NUP205: variants seen among roughly 807,000 people sequenced by gnomAD.
The protein encoded by NUP205 is nucleoporin 205, also known as nuclear pore complex protein Nup205.
Under a neutral mutation model 253.8 loss-of-function variants are expected in NUP205, and 76 were observed. The ratio of observed to expected loss-of-function variants is 0.30; its 90% CI spans 0.25 to 0.36. The LOEUF is 0.36. Among genes scored for constraint, NUP205 ranks in the 10% least tolerant of loss-of-function variants. The pLI, the probability that NUP205 is intolerant of heterozygous loss-of-function variation, is 1.00. For synonymous variants in NUP205, 832 were observed against 850.1 expected, an observed-to-expected ratio of 0.98 and a Z score of 0.37; for missense variants, 2,162 against 2,425.5, an observed-to-expected ratio of 0.89 and a Z score of 2.28.
chr7:135,643,289 T>C lies in NUP205; in HGVS notation c.5490T>C (p.Tyr1830=). 4 of 1,614,142 alleles carry C rather than the reference T, an allele frequency of 2.5e-6. No homozygotes were observed. Among genetic ancestry groups the C allele is most frequent in the Non-Finnish European group, 3.4e-6 (4 of 1,179,994 alleles). The change falls in exon 39 of 43, where the codon TAT becomes TAC. Residue 1830 remains tyrosine (Y), a synonymous_variant. Transcript: ENST00000285968. The part of the protein sequence containing the change: ...KQSANDFFSY[Y]DSHRQSVSKL... Reference sequence around the variant, plus strand: ...GTGCTAATGATTTCTTCAGCTATTATGACAGTCATCGACAGAGTGTCAGCA... The same window carrying C: ...GTGCTAATGATTTCTTCAGCTATTACGACAGTCATCGACAGAGTGTCAGCA...
chr7:135,647,910 G>C (rs1795040665), intron 42 of NUP205, among the ~76,000 whole-genome samples: 1 of 152,138 alleles, frequency 6.6e-6, no homozygotes, highest in Admixed American at 6.5e-5. Flanking sequence ...CATATAACAG[G>C]TGTATCCCCA....
chr7:135,630,749 C>T (rs1439653134), intron 35 of NUP205, among the ~76,000 whole-genome samples: 1 of 151,986 alleles, frequency 6.6e-6, no homozygotes. Flanking sequence ...CATAGAGACA[C>T]CCTGTCTCTA....
At chr7:135,599,965 T>A (rs369599537) in intron 15 of NUP205, among the ~76,000 whole-genome samples, 6 of 152,294 alleles carry the variant, frequency 3.9e-5, no homozygotes, top group African/African-American at 1.2e-4. Context: ...TAAATAAAAT[T>A]TTTTGAAAAT....
chr7:135,605,354 C>A (rs947626838), intron 19 of NUP205, among the ~76,000 whole-genome samples: 1 of 152,140 alleles, frequency 6.6e-6, no homozygotes, highest in Non-Finnish European at 1.5e-5. Context: ...TTCATAGAGT[C>A]CCTATTTTGA....
intron 35 of NUP205, among the ~76,000 whole-genome samples, chr7:135,634,051 TATC>T (rs1794764714): frequency 1.3e-5 from 2 of 152,242 alleles, no homozygotes; most frequent in African/African-American, 4.8e-5. Context: ...CCACAAATCT[TATC>T]AGCAGATTTA....
rs749555543 is a variant in NUP205, at chr7:135,557,948, G to T, written c.4G>T (p.Ala2Ser). M[A>S]TPLAVNSAAS... is the part of the protein sequence containing the mutation. ...GCTCTGTTAGTGCGCCTCTAAGATGGCGACGCCTTTGGCGGTAAATTCGGG... is the reference window on the plus strand; with the variant it reads ...GCTCTGTTAGTGCGCCTCTAAGATGTCGACGCCTTTGGCGGTAAATTCGGG... Residue 2 changes from alanine to serine, a missense_variant, in exon 1 of 43, where the codon GCG (alanine) becomes TCG (serine). Ala to Ser is a moderately conservative substitution (Grantham distance 99). Around this residue, in one of 5 missense-constraint regions of NUP205, gnomAD observed 109 missense variants for 131.8 expected, o/e 0.83. Transcript: ENST00000285968. 6.2e-7 allele frequency: 1 copy of T among 1,613,864 alleles called. No homozygotes were observed. The highest frequency in any genetic ancestry group is 1.1e-5 in the South Asian group (1 of 91,086).
intron 8 of NUP205, among the ~76,000 whole-genome samples, chr7:135,586,630 T>G (rs1341688562): frequency 3.9e-5 from 6 of 152,222 alleles, no homozygotes; most frequent in Non-Finnish European, 1.5e-5. Context: ...ATTTTCTTTT[T>G]TGTTCAGTTT....
intron 35 of NUP205, among the ~76,000 whole-genome samples, chr7:135,633,314 G>A (rs1485762989): frequency 6.6e-6 from 1 of 152,078 alleles, no homozygotes; most frequent in Non-Finnish European, 1.5e-5. Flanking sequence ...AGGTTGGAGT[G>A]CAGTGGCATG....
intron 34 of NUP205, among the ~76,000 whole-genome samples, chr7:135,628,425 C>A (rs894103132): frequency 2.6e-5 from 4 of 152,092 alleles, no homozygotes; most frequent in African/African-American, 9.7e-5. Context: ...TGTAATTTAA[C>A]CAGGTATCTA....
chr7:135,609,570 C>A (rs1273701943), intron 22 of NUP205, among the ~76,000 whole-genome samples: 1 of 151,736 alleles, frequency 6.6e-6, no homozygotes, highest in African/African-American at 2.4e-5. Context: ...ATGGCGTGAA[C>A]TTGGGAGGCG....
intron 18 of NUP205, 90 bp downstream of exon 18, chr7:135,603,084 C>CT: frequency 2.5e-6 from 2 of 786,220 alleles, no homozygotes; most frequent in East Asian, 3.0e-5. Context: ...TAGTGCATCA[C>CT]CTTTTTTTTT....
intron 38 of NUP205, among the ~76,000 whole-genome samples, chr7:135,639,757 A>T (rs1249395709): frequency 6.6e-6 from 1 of 152,176 alleles, no homozygotes; most frequent in African/African-American, 2.4e-5. Flanking sequence ...AAACACATGC[A>T]CACATGTTTA....
chr7:135,576,851 C>A, intron 4 of NUP205, 118 bp from the exon 5 acceptor site: 2 of 939,720 alleles, frequency 2.1e-6, no homozygotes, highest in Non-Finnish European at 3.1e-6. Context: ...CACTGCACTC[C>A]AGCCTGGGTG....
intron 3 of NUP205, among the ~76,000 whole-genome samples, chr7:135,574,366 G>A (rs527597394): frequency 3.3e-5 from 5 of 152,226 alleles, no homozygotes; most frequent in African/African-American, 1.2e-4. Flanking sequence ...ATAAAATAAA[G>A]CAGTGAGATA....
chr7:135,560,608 A>G (rs752413370), intron 1 of NUP205, among the ~76,000 whole-genome samples: 1 of 152,238 alleles, frequency 6.6e-6, no homozygotes, highest in Non-Finnish European at 1.5e-5. Flanking sequence ...TATACATAAC[A>G]TAACGTATAC....
chr7:135,638,786 G>T (rs1794865328), intron 38 of NUP205, 103 bp downstream of exon 38: 1 of 1,137,584 alleles, frequency 8.8e-7, no homozygotes, highest in South Asian at 1.3e-5. Context: ...TCTTTTAAGT[G>T]TCATTAATGG....
chr7:135,570,052 TAGAGAGAGAGAGAGAG>T lies in NUP205; in HGVS notation c.29-1025_29-1010del, dbSNP rs373590569. Among the ~76,000 whole-genome samples the T allele has an allele frequency of 3.3e-4, 26 of 79,188 alleles. No homozygotes were observed. The East Asian group carries it at 5.3e-3, about 16-fold the overall frequency. The allele number at this position is 79,188 out of a possible 152,430, so 52.0% of individuals were successfully genotyped here. On this transcript the variant is annotated intron_variant, in intron 1 of 42. Transcript: ENST00000285968. ...TTTTATATATATATATATATATATA[TAGAGAGAGAGAGAGAG>T]AGAGAGAGAGAGAGAGAGAGAGAGA...
intron 34 of NUP205, 42 bp from the exon 35 acceptor site, chr7:135,630,302 T>C: frequency 6.8e-7 from 1 of 1,462,566 alleles, no homozygotes; most frequent in Non-Finnish European, 9.1e-7. Context: ...ATTTTCTACT[T>C]CTACCTGTTT....
At position 135,622,820 on chromosome 7, in the gene NUP205, A is replaced by T; in HGVS notation, c.4374A>T (p.Val1458=). Residue 1458 remains valine (V), a synonymous_variant, in exon 31 of 43, where the codon GTA becomes GTT. Transcript: ENST00000285968. ...AAAGGCTGACAGCCCCTGAAGATGT[A>T]TTTAGCAAATTACAGCGAGAAAACA... ...MWERLTAPED[V]FSKLQRENIA... 1 of 1,614,104 alleles carries T rather than the reference A, an allele frequency of 6.2e-7. No homozygotes were observed. Among genetic ancestry groups the T allele is most frequent in the Non-Finnish European group, 8.5e-7 (1 of 1,179,998 alleles).
Sources: gnomAD v4.1 joint callset for allele counts (sites outside exome capture counted in the v4.1 genomes callset) on GRCh38, gnomAD v4.1.1 for gene constraint, gnomAD v4.1.1 regional missense constraint, MANE v1.5 for transcripts, NCBI Gene and HGNC (gene_info 2026-07-23, HGNC 2026-07-21) for gene names.